Variants in ZNF385D observed in about 807,000 individuals in gnomAD.
ZNF385D encodes the protein zinc finger protein 385D.
A neutral mutation model predicts 35.8 loss-of-function variants in ZNF385D; 15 were observed. That is an observed-to-expected ratio of 0.42 (90% CI 0.28 to 0.64). The LOEUF (loss-of-function observed/expected upper bound fraction) is 0.64. Ranked by LOEUF, ZNF385D falls within the 30% of genes least tolerant of loss-of-function variation. ZNF385D has a pLI of 0.23. For synonymous variants in ZNF385D, 212 were observed against 186.8 expected, an observed-to-expected ratio of 1.13 and a Z score of -1.10; for missense variants, 474 against 494.6, an observed-to-expected ratio of 0.96 and a Z score of 0.39.
chr3:21,821,252 G>A (rs13075904), intron 3 of ZNF385D, among the ~76,000 whole-genome samples: 8,161 of 151,936 alleles, frequency 0.054, 459 homozygotes, highest in East Asian at 0.3. Context: ...TCCACCAAGC[G>A]TTGAGCACAC....
In ZNF385D at chr3:22,248,765, G is replaced by A. The variant is rs374626027; in HGVS notation, c.107-79730C>T. On this transcript the variant is annotated intron_variant, in intron 2 of 5. Transcript: ENST00000494108. ...AATGGGAGTCGCCTCCATCTGTGTC[G>A]CCTTTGTGTAGTTGTGTCGCCTCCA... is the stretch of plus-strand genomic sequence containing the variant. Among the ~76,000 whole-genome samples, 103 of 152,086 alleles carry A rather than the reference G, an allele frequency of 6.8e-4. 1 individual carries two copies. Among genetic ancestry groups the A allele is most frequent in the African/African-American group, 1.3e-3 (54 of 41,506 alleles).
In ZNF385D at chr3:21,475,595, A is replaced by G. The variant is rs549970830; in HGVS notation, c.439+35266T>C. On this transcript the variant is annotated intron_variant, in intron 4 of 7. Coordinates refer to ENST00000281523, the MANE Select transcript of ZNF385D (RefSeq NM_024697.3). Reference sequence around the variant, plus strand: ...AAGAGGAAAGATCCTCCGGATTCCAATTTTCTAAAATTGTGTGAAATTTCA... The same window carrying G: ...AAGAGGAAAGATCCTCCGGATTCCAGTTTTCTAAAATTGTGTGAAATTTCA... 3.9e-5 allele frequency among the ~76,000 whole-genome samples: 6 copies of G among 152,212 alleles called. No individual in the cohort carries two copies. In the South Asian group the frequency reaches 1.0e-3, roughly 26 times the overall value.
At position 21,573,999 on chromosome 3, in the gene ZNF385D, G is replaced by A. The variant is rs189842236; in HGVS notation, c.166-9315C>T. On this transcript the variant is annotated intron_variant, in intron 2 of 7. Transcript: ENST00000281523. ...CTCTTGAACCCGGGAGGTGGAGGTT[G>A]CAGTGAGCTGAGATGACGCCACTGC... Among the ~76,000 whole-genome samples, 314 of 146,946 alleles carry A rather than the reference G, an allele frequency of 2.1e-3. 1 individual carries two copies. The highest frequency in any genetic ancestry group is 7.8e-3 in the African/African-American group (306 of 39,308).
chr3:22,121,116 G>C (rs1559384264), intron 3 of ZNF385D, among the ~76,000 whole-genome samples: 1 of 152,168 alleles, frequency 6.6e-6, no homozygotes, highest in Non-Finnish European at 1.5e-5. Context: ...CTAAAACAAT[G>C]TGTTTTCATT....
chr3:22,194,465 T>C (rs1308311029), intron 2 of ZNF385D, among the ~76,000 whole-genome samples: 2 of 151,960 alleles, frequency 1.3e-5, no homozygotes, highest in South Asian at 2.1e-4. Context: ...AAGATTTGTT[T>C]TTTAAAATCT....
intron 1 of ZNF385D, among the ~76,000 whole-genome samples, chr3:21,701,276 C>T (rs2067672760): frequency 7.1e-6 from 1 of 141,236 alleles, no homozygotes; most frequent in African/African-American, 2.7e-5. Flanking sequence ...GCAAAAGGCA[C>T]TTCTTACATG....
chr3:21,981,769 T>C (rs1694466053), intron 3 of ZNF385D, among the ~76,000 whole-genome samples: 1 of 152,154 alleles, frequency 6.6e-6, no homozygotes, highest in Non-Finnish European at 1.5e-5. Context: ...CCAGCTTCAA[T>C]CTTCTGCTTA....
intron 3 of ZNF385D, among the ~76,000 whole-genome samples, chr3:22,018,054 C>T (rs1394933895): frequency 6.6e-6 from 1 of 151,594 alleles, no homozygotes; most frequent in African/African-American, 2.4e-5. Context: ...CCCAATAGCA[C>T]TTTGAAAATA....
intron 3 of ZNF385D, among the ~76,000 whole-genome samples, chr3:22,123,913 C>G (rs1424926536): frequency 7.4e-6 from 1 of 134,672 alleles, no homozygotes; most frequent in African/African-American, 2.8e-5. Context: ...AAAACTAGAG[C>G]TAGACTCCAT....
chr3:22,211,636 T>C (rs930993812), intron 2 of ZNF385D, among the ~76,000 whole-genome samples: 1 of 151,650 alleles, frequency 6.6e-6, no homozygotes, highest in African/African-American at 2.4e-5. Context: ...AAAGAAAGAG[T>C]GCTGCCTTGG....
intron 2 of ZNF385D, among the ~76,000 whole-genome samples, chr3:22,323,033 G>C (rs1575117853): frequency 1.3e-5 from 2 of 152,066 alleles, no homozygotes; most frequent in East Asian, 3.8e-4. Flanking sequence ...ACGATAGAAA[G>C]CAGGCAATCT....
intron 1 of ZNF385D, among the ~76,000 whole-genome samples, chr3:21,665,514 T>C (rs1453610320): frequency 6.6e-6 from 1 of 152,140 alleles, no homozygotes; most frequent in Non-Finnish European, 1.5e-5. Context: ...TAAAAGAAAT[T>C]TAACCTCGAA....
chr3:21,951,638 C>G (rs960480191), intron 3 of ZNF385D, among the ~76,000 whole-genome samples: 1 of 151,612 alleles, frequency 6.6e-6, no homozygotes, highest in African/African-American at 2.4e-5. Flanking sequence ...GTCTCCACTA[C>G]TTGTTTTCCA....
chr3:22,088,916 G>GAAA (rs1240369653), intron 3 of ZNF385D, among the ~76,000 whole-genome samples: 1 of 151,568 alleles, frequency 6.6e-6, no homozygotes, highest in African/African-American at 2.4e-5. Flanking sequence ...AAGCAGAGAT[G>GAAA]AAAAAAAACT....
At chr3:22,045,691 T>A (rs1046149932) in intron 3 of ZNF385D, among the ~76,000 whole-genome samples, 6 of 152,094 alleles carry the variant, frequency 3.9e-5, no homozygotes, top group African/African-American at 1.4e-4. Flanking sequence ...TATGCTGTAA[T>A]CACTTTCGAG....
At chr3:22,035,163 A>T (rs1233928924) in intron 3 of ZNF385D, among the ~76,000 whole-genome samples, 10 of 152,222 alleles carry the variant, frequency 6.6e-5, no homozygotes. Flanking sequence ...AACTGTGTTA[A>T]ATCACTTGTA....
chr3:21,999,957 T>C (rs866626162), intron 3 of ZNF385D, among the ~76,000 whole-genome samples: 1 of 152,086 alleles, frequency 6.6e-6, no homozygotes, highest in Non-Finnish European at 1.5e-5. Flanking sequence ...TTGGAAGAGA[T>C]ACACACATCC....
At chr3:22,127,317 C>CCTTTT (rs1703492425) in intron 3 of ZNF385D, among the ~76,000 whole-genome samples, 2 of 56,334 alleles carry the variant, frequency 3.6e-5, no homozygotes, top group African/African-American at 1.6e-4. Context: ...TCATTTCCTG[C>CCTTTT]TTTTTTTTTT....
At chr3:21,974,306 A>T (rs996786242) in intron 3 of ZNF385D, among the ~76,000 whole-genome samples, 2 of 152,138 alleles carry the variant, frequency 1.3e-5, no homozygotes, top group African/African-American at 4.8e-5. Context: ...CAAAGGTACC[A>T]AGAACACACA....
Sources: gnomAD v4.1 joint callset for allele counts (sites outside exome capture counted in the v4.1 genomes callset) on GRCh38, gnomAD v4.1.1 for gene constraint, MANE v1.5 for transcripts, NCBI Gene and HGNC (gene_info 2026-07-23, HGNC 2026-07-21) for gene names.